Variants in PTPRD observed in about 807,000 individuals in gnomAD.
PTPRD encodes protein tyrosine phosphatase receptor type D.
Under a neutral mutation model 214.5 loss-of-function variants are expected in PTPRD, and 34 were observed. The observed-to-expected ratio is 0.16, with a 90% CI of 0.12 to 0.21. PTPRD has a LOEUF of 0.21. Ranked by LOEUF, PTPRD falls within the 10% of genes least tolerant of loss-of-function variation. PTPRD has a pLI of 1.00. For synonymous variants in PTPRD, 1,128 were observed against 845.7 expected (o/e 1.33, Z -5.79); for missense variants, 2,545 against 2,398.7 (o/e 1.06, Z -1.27).
chr9:8,592,050 A>G (rs1252913284), intron 14 of PTPRD, among the ~76,000 whole-genome samples: 1 of 152,214 alleles, frequency 6.6e-6, no homozygotes, highest in South Asian at 2.1e-4. Context: ...AATAAAATGT[A>G]CGGGGTCAAA....
At chr9:10,368,302 T>C (rs1416613322) in intron 2 of PTPRD, among the ~76,000 whole-genome samples, 1 of 152,132 alleles carries the variant, frequency 6.6e-6, no homozygotes, top group Non-Finnish European at 1.5e-5. Context: ...AACTCATAGA[T>C]AGAAGACCTA....
intron 11 of PTPRD, among the ~76,000 whole-genome samples, chr9:8,824,999 T>G (rs544962243): frequency 1.5e-4 from 23 of 152,308 alleles, no homozygotes; most frequent in African/African-American, 4.8e-4. Context: ...ATTTTTTACA[T>G]AGGCTTTTTA....
At chr9:10,249,720 T>C (rs906521629) in intron 3 of PTPRD, among the ~76,000 whole-genome samples, 1 of 152,172 alleles carries the variant, frequency 6.6e-6, no homozygotes, top group Non-Finnish European at 1.5e-5. Context: ...AATTAGACAA[T>C]ATATTAATTT....
intron 5 of PTPRD, among the ~76,000 whole-genome samples, chr9:9,879,777 T>G (rs1194612993): frequency 6.6e-6 from 1 of 152,110 alleles, no homozygotes; most frequent in Non-Finnish European, 1.5e-5. Flanking sequence ...GGGTGGAACA[T>G]TTCTTGCTTC....
At chr9:9,922,115 T>A (rs2082718563) in intron 5 of PTPRD, among the ~76,000 whole-genome samples, 1 of 151,992 alleles carries the variant, frequency 6.6e-6, no homozygotes, top group African/African-American at 2.4e-5. Flanking sequence ...AGTTAGCAAA[T>A]CACTCAGAGA....
At chr9:9,595,080 A>T (rs1392765555) in intron 7 of PTPRD, among the ~76,000 whole-genome samples, 4 of 151,772 alleles carry the variant, frequency 2.6e-5, no homozygotes, top group African/African-American at 9.7e-5. Flanking sequence ...AACAATTCAA[A>T]AAATAATAGA....
chr9:10,371,567 T>C (rs187843757), intron 2 of PTPRD, among the ~76,000 whole-genome samples: 6 of 152,182 alleles, frequency 3.9e-5, no homozygotes, highest in Non-Finnish European at 7.4e-5. Flanking sequence ...CAGTTATCAT[T>C]ATCTTGGAAA....
chr9:10,031,681 C>CACAGACACACACACACAT, intron 4 of PTPRD, among the ~76,000 whole-genome samples: 1 of 133,902 alleles, frequency 7.5e-6, no homozygotes, highest in East Asian at 2.2e-4. Context: ...CACACACACA[C>CACAGACACACACACACAT]ATATCCTATT....
chr9:10,133,486 A>G (rs1226351581), intron 3 of PTPRD, among the ~76,000 whole-genome samples: 1 of 152,154 alleles, frequency 6.6e-6, no homozygotes, highest in East Asian at 1.9e-4. Context: ...AAAAGCATAT[A>G]CCTGTACGTT....
intron 43 of PTPRD, among the ~76,000 whole-genome samples, chr9:8,334,067 T>A (rs1351506533): frequency 1.3e-5 from 2 of 152,116 alleles, no homozygotes; most frequent in Non-Finnish European, 2.9e-5. Context: ...CAAAGAGACT[T>A]AGACTCCCAC....
At chr9:10,559,494 G>C (rs2063366636) in intron 2 of PTPRD, among the ~76,000 whole-genome samples, 1 of 151,964 alleles carries the variant, frequency 6.6e-6, no homozygotes, top group African/African-American at 2.4e-5. Context: ...CAACACTGCT[G>C]ATACACACTA....
chr9:8,835,299 A>G (rs2097393660), intron 11 of PTPRD, among the ~76,000 whole-genome samples: 1 of 152,206 alleles, frequency 6.6e-6, no homozygotes, highest in East Asian at 1.9e-4. Context: ...TATGTCTAGA[A>G]TGGTAGTCTC....
chr9:9,350,011 T>G (rs1265725203), intron 9 of PTPRD, among the ~76,000 whole-genome samples: 1 of 152,052 alleles, frequency 6.6e-6, no homozygotes, highest in Admixed American at 6.6e-5. Context: ...AACTCCTTTT[T>G]CTGAAAGCTG....
chr9:9,998,892 A>G (rs2380), intron 4 of PTPRD, among the ~76,000 whole-genome samples: 36,022 of 152,180 alleles, frequency 0.24, 5,196 homozygotes, highest in Middle Eastern at 0.36. Flanking sequence ...CTTACCATCA[A>G]TGGATCTCCA....
At chr9:8,785,788 G>C (rs1320196625) in intron 11 of PTPRD, among the ~76,000 whole-genome samples, 1 of 152,190 alleles carries the variant, frequency 6.6e-6, no homozygotes, top group Non-Finnish European at 1.5e-5. Context: ...AACTAGGGTA[G>C]CTGAGGTTAT....
intron 11 of PTPRD, among the ~76,000 whole-genome samples, chr9:8,996,865 A>G (rs919271608): frequency 5.3e-5 from 8 of 152,034 alleles, no homozygotes; most frequent in South Asian, 2.1e-4. Flanking sequence ...TAACATTTGG[A>G]CCATAGCAGA....
intron 3 of PTPRD, among the ~76,000 whole-genome samples, chr9:10,115,624 A>T (rs1430437125): frequency 7.1e-6 from 1 of 141,842 alleles, no homozygotes; most frequent in East Asian, 2.0e-4. Flanking sequence ...GTAAAATTAT[A>T]TTTGTTAAAA....
intron 9 of PTPRD, among the ~76,000 whole-genome samples, chr9:9,354,886 A>C (rs1358521087): frequency 6.6e-6 from 1 of 151,752 alleles, no homozygotes; most frequent in Non-Finnish European, 1.5e-5. Flanking sequence ...CAACTAGTGC[A>C]AGAGGCCTAA....
At chr9:8,860,355 G>A (rs10815977) in intron 11 of PTPRD, 68,074 of 152,050 alleles carry the variant, frequency 0.45, 16,129 homozygotes, top group East Asian at 0.67. Flanking sequence ...GGGATACAGA[G>A]GACAGTACAA....
Sources: gnomAD v4.1 joint callset for allele counts (sites outside exome capture counted in the v4.1 genomes callset) on GRCh38, gnomAD v4.1.1 for gene constraint, MANE v1.5 for transcripts, NCBI Gene and HGNC (gene_info 2026-07-23, HGNC 2026-07-21) for gene names.